THSD7B: variants seen among roughly 807,000 people sequenced by gnomAD.
THSD7B encodes thrombospondin type 1 domain containing 7B, also known as thrombospondin type-1 domain-containing protein 7B.
Under a neutral mutation model 213.6 loss-of-function variants are expected in THSD7B, and 138 were observed. That is an observed-to-expected ratio of 0.65 (90% CI 0.56 to 0.74). The LOEUF is 0.74. Ranked by LOEUF, THSD7B falls within the 30% of genes least tolerant of loss-of-function variation. THSD7B has a pLI of 0.00. For synonymous variants in THSD7B, 742 were observed against 687.0 expected (o/e 1.08, Z -1.25); for missense variants, 1,931 against 1,991.5 (o/e 0.97, Z 0.58).
At chr2:137,657,240 A>G in intron 24 of THSD7B, 80 bp downstream of exon 24, 4 of 1,368,324 alleles carry the variant, frequency 2.9e-6, no homozygotes, top group Non-Finnish European at 3.0e-6. Flanking sequence ...TAGCTTACAA[A>G]TTATAAACAA....
intron 15 of THSD7B, among the ~76,000 whole-genome samples, chr2:137,474,329 G>A (rs1403206642): frequency 1.3e-5 from 2 of 152,088 alleles, no homozygotes; most frequent in Non-Finnish European, 2.9e-5. Context: ...TAGACCTGGA[G>A]GAAACAGATT....
intron 2 of THSD7B, among the ~76,000 whole-genome samples, chr2:136,952,874 T>A (rs1685063101): frequency 1.3e-5 from 2 of 152,192 alleles, no homozygotes. Flanking sequence ...CCCTTGTGGA[T>A]ATCTGATATT....
At position 137,103,989 on chromosome 2, in the gene THSD7B, C is replaced by G. The variant is rs181792002; in HGVS notation, c.1199+8868C>G. Among the ~76,000 whole-genome samples the G allele has an allele frequency of 1.3e-3, 202 of 152,264 alleles. 2 individuals are homozygous for G. Among genetic ancestry groups the G allele is most frequent in the African/African-American group, 4.5e-3 (189 of 41,544 alleles). Reference sequence around the variant, plus strand: ...TTAGATCAACGAGACAGAAAATTAACAAGGATATTTAGGACTTGAACTCAG... The same window carrying G: ...TTAGATCAACGAGACAGAAAATTAAGAAGGATATTTAGGACTTGAACTCAG... On this transcript the variant is annotated intron_variant, in intron 4 of 27. Transcript: ENST00000409968.
At chr2:136,821,355 A>C (rs1682560811) in intron 1 of THSD7B, among the ~76,000 whole-genome samples, 1 of 152,138 alleles carries the variant, frequency 6.6e-6, no homozygotes, top group African/African-American at 2.4e-5. Flanking sequence ...ATTCATTTAT[A>C]ATTAGTTTGA....
chr2:137,550,203 G>A (rs2105205204), intron 15 of THSD7B, among the ~76,000 whole-genome samples: 1 of 151,820 alleles, frequency 6.6e-6, no homozygotes, highest in Admixed American at 6.6e-5. Context: ...AAGTGCCTAT[G>A]TCAATATGCT....
chr2:137,657,958 G>T (rs572173308), intron 24 of THSD7B, among the ~76,000 whole-genome samples: 1 of 152,096 alleles, frequency 6.6e-6, no homozygotes, highest in East Asian at 1.9e-4. Flanking sequence ...TAATCTGCCC[G>T]CCTCGGCCTC....
chr2:136,801,611 G>T (rs11682839), intron 1 of THSD7B, among the ~76,000 whole-genome samples: 21,607 of 152,102 alleles, frequency 0.14, 2,245 homozygotes, highest in Non-Finnish European at 0.22. Context: ...TCTCTGGTTA[G>T]CATCTGTATT....
At chr2:136,898,047 A>G (rs1039280665) in intron 2 of THSD7B, among the ~76,000 whole-genome samples, 1 of 152,168 alleles carries the variant, frequency 6.6e-6, no homozygotes, top group Non-Finnish European at 1.5e-5. Context: ...GTGCGTTTAC[A>G]ATCTTTTAGA....
chr2:137,419,372 G>GTTTTTTTTTTTTTTTTTTTT (rs1246056674), intron 14 of THSD7B, among the ~76,000 whole-genome samples: 4 of 81,310 alleles, frequency 4.9e-5, no homozygotes, highest in Admixed American at 1.4e-4. Context: ...TGGGTCCTGA[G>GTTTTTTTTTTTTTTTTTTTT]TTCTTGTCCC....
chr2:136,785,621 A>G (rs972799753), intron 1 of THSD7B, among the ~76,000 whole-genome samples: 1 of 152,180 alleles, frequency 6.6e-6, no homozygotes, highest in African/African-American at 2.4e-5. Flanking sequence ...GGCAAACCCA[A>G]AAGTAAAGAG....
intron 1 of THSD7B, among the ~76,000 whole-genome samples, chr2:136,862,668 G>A (rs1243457733): frequency 6.6e-6 from 1 of 152,166 alleles, no homozygotes; most frequent in East Asian, 1.9e-4. Context: ...CAGATGAAGC[G>A]TCCTTTATGC....
At position 137,623,324 on chromosome 2, in the gene THSD7B, T is replaced by C. The variant is rs540055224; in HGVS notation, c.3799+2598T>C. On this transcript the variant is annotated intron_variant, in intron 20 of 27. Coordinates refer to ENST00000409968, the MANE Select transcript of THSD7B (RefSeq NM_001316349.2). ...CAATAAACTAGGTATTGATGGGACA[T>C]ATCTCAAAATAATAAGAGCTATTTA... Among the ~76,000 whole-genome samples the C allele has an allele frequency of 3.3e-5, 5 of 152,308 alleles. No individual in the cohort carries two copies. In the East Asian group the frequency reaches 9.6e-4, roughly 29 times the overall value.
At chr2:136,819,385 G>C (rs774653369) in intron 1 of THSD7B, among the ~76,000 whole-genome samples, 9 of 152,072 alleles carry the variant, frequency 5.9e-5, no homozygotes, top group Non-Finnish European at 1.3e-4. Flanking sequence ...ACTGGGTTGG[G>C]ATTGGGTTTG....
intron 2 of THSD7B, among the ~76,000 whole-genome samples, chr2:136,990,031 T>G (rs796687734): frequency 4.6e-5 from 7 of 152,340 alleles, no homozygotes; most frequent in African/African-American, 1.7e-4. Context: ...CCTCATTGAA[T>G]TGGCTAACCT....
chr2:137,359,456 G>A (rs964952871), intron 12 of THSD7B, among the ~76,000 whole-genome samples: 5 of 152,140 alleles, frequency 3.3e-5, no homozygotes, highest in Admixed American at 6.5e-5. Flanking sequence ...ATGAAACCTT[G>A]GGGGGTGCTA....
At chr2:136,856,704 T>C (rs989722302) in intron 1 of THSD7B, among the ~76,000 whole-genome samples, 8 of 151,936 alleles carry the variant, frequency 5.3e-5, no homozygotes, top group African/African-American at 1.2e-4. Context: ...TTAGTAGAGA[T>C]GGGGTTTCAC....
At chr2:136,940,546 C>G (rs927113704) in intron 2 of THSD7B, among the ~76,000 whole-genome samples, 1 of 150,140 alleles carries the variant, frequency 6.7e-6, no homozygotes, top group East Asian at 2.0e-4. Flanking sequence ...TATGCACAAC[C>G]ACATCCAGCT....
rs1314267493 is a variant in THSD7B, at chr2:136,807,508, C to CTTTTTTTTTTTTT, written c.-36+41821_-36+41822insTTTTTTTTTTTTT. ...TACTTCCTAGCACTACAAAATGTTT[C>CTTTTTTTTTTTTT]GTTTTTTTTTTTTTTTTGAGACGGA... On this transcript the variant is annotated intron_variant, in intron 1 of 27. Coordinates refer to ENST00000409968, the MANE Select transcript of THSD7B (RefSeq NM_001316349.2). 2.0e-3 allele frequency among the ~76,000 whole-genome samples: 101 copies of CTTTTTTTTTTTTT among 49,566 alleles called. 2 individuals are homozygous for CTTTTTTTTTTTTT. The highest frequency in any genetic ancestry group is 7.8e-3 in the African/African-American group (92 of 11,866). 32.5% of individuals were successfully genotyped at this position (49,566 alleles called of 152,430 possible). A position where few individuals can be genotyped will look rare whatever the true frequency, so the allele number is the denominator to read the frequency against.
intron 25 of THSD7B, among the ~76,000 whole-genome samples, chr2:137,662,541 G>A (rs866348652): frequency 6.2e-4 from 95 of 152,166 alleles, no homozygotes; most frequent in African/African-American, 2.2e-3. Flanking sequence ...TGTCTTCTTA[G>A]CTACCTACTC....
Sources: gnomAD v4.1 joint callset for allele counts (sites outside exome capture counted in the v4.1 genomes callset) on GRCh38, gnomAD v4.1.1 for gene constraint, MANE v1.5 for transcripts, NCBI Gene and HGNC (gene_info 2026-07-23, HGNC 2026-07-21) for gene names.